The following DLEU7 variants were observed in gnomAD, a reference collection of about 807,000 sequenced individuals.
DLEU7 encodes the protein deleted in lymphocytic leukemia 7, also known as leukemia-associated protein 7.
Under a neutral mutation model 16.0 loss-of-function variants are expected in DLEU7, and 17 were observed. That is an observed-to-expected ratio of 1.06 (90% CI 0.73 to 1.59). The LOEUF is 1.59. DLEU7 is among the 40% of genes most tolerant of loss of function. The probability of loss-of-function intolerance (pLI) is 0.00; values close to 1 mark genes in which losing one functional copy is unlikely to be tolerated. For synonymous variants in DLEU7, 113 were observed against 139.8 expected, an observed-to-expected ratio of 0.81 and a Z score of 1.35; for missense variants, 308 against 314.9, an observed-to-expected ratio of 0.98 and a Z score of 0.17.
In DLEU7 at chr13:50,807,786, G is replaced by T. The variant is rs182409980; in HGVS notation, c.459+35402C>A. On this transcript the variant is annotated intron_variant, in intron 1 of 1. Transcript: ENST00000400393. ...TCAAATGCTATAATAGAGTTCTCCA[G>T]TCTGAGGTCAGCGAAAGCTTCTCAA... is the stretch of plus-strand genomic sequence containing the variant. 2.6e-5 allele frequency: 4 copies of T among 152,266 alleles called. No individual in the cohort carries two copies. In the East Asian group the frequency reaches 5.8e-4, roughly 22 times the overall value. 9.4% of individuals were successfully genotyped at this position (152,266 alleles called of 1,614,324 possible).
chr13:50,714,861 A>C (rs1873395543), intron 1 of DLEU7, among the ~76,000 whole-genome samples: 1 of 152,196 alleles, frequency 6.6e-6, no homozygotes, highest in Admixed American at 6.5e-5. Flanking sequence ...ACAGCTTAAA[A>C]ATAGCAAAAT....
intron 1 of DLEU7, among the ~76,000 whole-genome samples, chr13:50,732,769 T>C (rs1359325424): frequency 1.3e-5 from 2 of 152,146 alleles, no homozygotes; most frequent in African/African-American, 4.8e-5. Context: ...CCTAACAAAA[T>C]AGCAGTAGTA....
intron 1 of DLEU7, among the ~76,000 whole-genome samples, chr13:50,784,624 A>G (rs760926062): frequency 2.6e-5 from 4 of 152,164 alleles, no homozygotes; most frequent in South Asian, 2.1e-4. Context: ...TCCTGGAGAC[A>G]CTCACAGAGA....
intron 1 of DLEU7, among the ~76,000 whole-genome samples, chr13:50,787,510 C>T (rs546297882): frequency 4.9e-4 from 75 of 152,148 alleles, no homozygotes; most frequent in Non-Finnish European, 8.4e-4. Flanking sequence ...CCTCACTGGC[C>T]ATATCAAATC....
intron 1 of DLEU7, among the ~76,000 whole-genome samples, chr13:50,762,745 A>G (rs1379934291): frequency 4.6e-5 from 7 of 151,706 alleles, no homozygotes; most frequent in Admixed American, 4.6e-4. Flanking sequence ...ACAAAAAAAC[A>G]ACAAAAACAC....
chr13:50,802,488 C>T (rs143519808), intron 1 of DLEU7, among the ~76,000 whole-genome samples: 311 of 152,102 alleles, frequency 2.0e-3, no homozygotes, highest in African/African-American at 6.9e-3. Context: ...ATTTAGAAAG[C>T]GACAGTACCT....
chr13:50,820,918 CTT>C (rs149532243), downstream of DLEU7, among the ~76,000 whole-genome samples: 1 of 151,110 alleles, frequency 6.6e-6, no homozygotes. Flanking sequence ...ATTTTAGATT[CTT>C]TTTTTTTAGT....
chr13:50,832,749 A>G (rs1430856232), intron 1 of DLEU7, among the ~76,000 whole-genome samples: 4 of 152,210 alleles, frequency 2.6e-5, no homozygotes, highest in African/African-American at 9.6e-5. Context: ...CCCAGCAGTC[A>G]TTCAGGAGCC....
At chr13:50,835,608 G>A (rs1593417306) in intron 1 of DLEU7, among the ~76,000 whole-genome samples, 1 of 152,096 alleles carries the variant, frequency 6.6e-6, no homozygotes, top group Non-Finnish European at 1.5e-5. Flanking sequence ...TCAAGGCATC[G>A]AACCTTCTAC....
chr13:50,753,427 G>T (rs182649474), intron 1 of DLEU7, among the ~76,000 whole-genome samples: 1 of 152,246 alleles, frequency 6.6e-6, no homozygotes, highest in Non-Finnish European at 1.5e-5. Flanking sequence ...CAGGCATGGC[G>T]GGCTGCAGGC....
At chr13:50,814,915 A>G (rs1876684448) in intron 1 of DLEU7, among the ~76,000 whole-genome samples, 1 of 151,796 alleles carries the variant, frequency 6.6e-6, no homozygotes, top group South Asian at 2.1e-4. Flanking sequence ...GGTTGGGTGA[A>G]GAATTCATCA....
intron 1 of DLEU7, among the ~76,000 whole-genome samples, chr13:50,740,628 C>A (rs1294020704): frequency 6.6e-6 from 1 of 152,010 alleles, no homozygotes; most frequent in African/African-American, 2.4e-5. Context: ...CTTTTTATCG[C>A]TAATCTCTGA....
At chr13:50,752,500 C>A (rs1366660057) in intron 1 of DLEU7, among the ~76,000 whole-genome samples, 1 of 152,082 alleles carries the variant, frequency 6.6e-6, no homozygotes, top group Admixed American at 6.5e-5. Flanking sequence ...AGCCGTGGAC[C>A]CTCGCGGTGA....
chr13:50,837,248 C>T (rs1040340303), intron 1 of DLEU7, among the ~76,000 whole-genome samples: 3 of 152,172 alleles, frequency 2.0e-5, no homozygotes, highest in African/African-American at 7.2e-5. Flanking sequence ...GTGAAAAGCA[C>T]TTTTGTGATG....
At chr13:50,714,446 T>C (rs537275816) in intron 1 of DLEU7, among the ~76,000 whole-genome samples, 3 of 152,320 alleles carry the variant, frequency 2.0e-5, no homozygotes, top group Admixed American at 2.0e-4. Flanking sequence ...TACCTTTAAG[T>C]AACAGGATAT....
intron 1 of DLEU7, among the ~76,000 whole-genome samples, chr13:50,718,624 C>A (rs1425498725): frequency 6.6e-6 from 1 of 152,186 alleles, no homozygotes; most frequent in Non-Finnish European, 1.5e-5. Flanking sequence ...ATTGCTTTCC[C>A]CACCATGGGC....
At chr13:50,730,479 A>G (rs1873883958) in intron 1 of DLEU7, among the ~76,000 whole-genome samples, 1 of 152,216 alleles carries the variant, frequency 6.6e-6, no homozygotes, top group South Asian at 2.1e-4. Flanking sequence ...TTTCAAATTC[A>G]AGAGTTTGTC....
chr13:50,725,332 A>T (rs569310911), intron 1 of DLEU7, among the ~76,000 whole-genome samples: 20 of 152,220 alleles, frequency 1.3e-4, no homozygotes, highest in Admixed American at 1.3e-4. Flanking sequence ...ACCTGCTTTG[A>T]TCCTTAGTGA....
At chr13:50,729,478 T>C (rs1279045942) in intron 1 of DLEU7, among the ~76,000 whole-genome samples, 2 of 152,220 alleles carry the variant, frequency 1.3e-5, no homozygotes, top group African/African-American at 2.4e-5. Flanking sequence ...TTGTGAACAG[T>C]GCCACAATGA....
Sources: allele counts gnomAD v4.1 joint callset (sites outside exome capture counted in the v4.1 genomes callset), GRCh38; gene constraint gnomAD v4.1.1; transcripts MANE v1.5; gene names NCBI Gene and HGNC (gene_info 2026-07-23, HGNC 2026-07-21).